Variants in FAM13A observed in about 807,000 individuals in gnomAD.
FAM13A encodes family with sequence similarity 13 member A.
A neutral mutation model predicts 129.6 loss-of-function variants in FAM13A; 76 were observed. That is an observed-to-expected ratio of 0.59 (90% confidence interval 0.49 to 0.71). FAM13A has a LOEUF of 0.71. FAM13A is among the 30% of genes least tolerant of loss of function. FAM13A has a pLI of 0.00. For missense variants in FAM13A, 1,108 were observed against 1,249.3 expected, an observed-to-expected ratio of 0.89 and a Z score of 1.70; for synonymous variants, 443 against 449.9, an observed-to-expected ratio of 0.98 and a Z score of 0.20.
At chr4:88,853,225 G>A (rs1487483503) in intron 6 of FAM13A, among the ~76,000 whole-genome samples, 1 of 152,062 alleles carries the variant, frequency 6.6e-6, no homozygotes, top group East Asian at 1.9e-4. Flanking sequence ...CTTTTTTATT[G>A]ACAAAAATTA....
At chr4:88,958,958 A>G (rs1758191824) in intron 4 of FAM13A, among the ~76,000 whole-genome samples, 1 of 152,236 alleles carries the variant, frequency 6.6e-6, no homozygotes, top group Non-Finnish European at 1.5e-5. Flanking sequence ...CATGAAGTCA[A>G]AGGAGATTAT....
chr4:88,944,552 G>A (rs942157928), intron 4 of FAM13A, among the ~76,000 whole-genome samples: 3 of 152,056 alleles, frequency 2.0e-5, no homozygotes, highest in Admixed American at 6.6e-5. Context: ...ATTAGATGCC[G>A]CAGGCAAAGT....
At chr4:88,970,327 G>C (rs1759896211) in intron 4 of FAM13A, among the ~76,000 whole-genome samples, 1 of 152,056 alleles carries the variant, frequency 6.6e-6, no homozygotes, top group Non-Finnish European at 1.5e-5. Flanking sequence ...CTGGAAAATA[G>C]TAGAGGAGAT....
intron 7 of FAM13A, among the ~76,000 whole-genome samples, chr4:88,828,261 C>T (rs1733343993): frequency 1.3e-5 from 2 of 152,168 alleles, no homozygotes; most frequent in South Asian, 4.1e-4. Context: ...CCACCTCAGC[C>T]TCCTGAGTAG....
chr4:88,728,136 CAGTT>C lies in FAM13A; in HGVS notation c.*393_*396del, dbSNP rs749985366. ...TAAAGTCCTGAGCTTGTTTTTATCA[CAGTT>C]AGACAGAGAATGGTCTCTTGTTTCT... On this transcript the variant is annotated 3_prime_UTR_variant, in exon 24 of 24. Transcript: ENST00000264344. 28 of 177,036 alleles carry C rather than the reference CAGTT, an allele frequency of 1.6e-4. No individual in the cohort carries two copies. Among genetic ancestry groups the C allele is most frequent in the Non-Finnish European group, 2.4e-4 (20 of 82,952 alleles). The allele number at this position is 177,036 out of a possible 1,614,324, so 11.0% of individuals were successfully genotyped here.
intron 1 of FAM13A, among the ~76,000 whole-genome samples, chr4:89,031,589 G>A (rs1768690011): frequency 6.6e-6 from 1 of 152,156 alleles, no homozygotes; most frequent in Non-Finnish European, 1.5e-5. Context: ...ATTGAGTACT[G>A]ATTGTCATAA....
At chr4:88,788,395 C>T (rs1724416486) in intron 9 of FAM13A, among the ~76,000 whole-genome samples, 1 of 152,094 alleles carries the variant, frequency 6.6e-6, no homozygotes, top group African/African-American at 2.4e-5. Flanking sequence ...TATCTATTTA[C>T]AATCTAAGAC....
At position 88,991,016 on chromosome 4, in the gene FAM13A, T is replaced by G; in HGVS notation, c.562A>C (p.Asn188His). ...AATACAGTGGCGAGATTGTGAACAT[T>G]CATGCGATTCTGCACATGATGCTTG... ...VAKHHVQNRM[N>H]VHNLATVFGP... The change falls in exon 4 of 24, where the codon AAT becomes CAT. Residue 188 changes from asparagine (N) to histidine (H), a missense_variant. Physicochemically the swap from Asn to His is moderately conservative, Grantham distance 68 (BLOSUM62 1). This residue lies in a region of FAM13A where 566 missense variants were observed against 595.7 expected (regional missense o/e 0.95). Transcript: ENST00000264344. 1 of 1,614,192 alleles carries G rather than the reference T, an allele frequency of 6.2e-7. No homozygotes were observed. Among genetic ancestry groups the G allele is most frequent in the South Asian group, 1.1e-5 (1 of 91,086 alleles).
intron 11 of FAM13A, among the ~76,000 whole-genome samples, chr4:88,769,887 T>C (rs1474243875): frequency 6.6e-6 from 1 of 151,952 alleles, no homozygotes; most frequent in Non-Finnish European, 1.5e-5. Flanking sequence ...TAATGAATAT[T>C]ATTATTAATA....
At chr4:89,003,647 A>G (rs1764595784) in intron 3 of FAM13A, among the ~76,000 whole-genome samples, 1 of 151,972 alleles carries the variant, frequency 6.6e-6, no homozygotes, top group Non-Finnish European at 1.5e-5. Context: ...AAAAAAATAT[A>G]TATACATGTA....
intron 13 of FAM13A, among the ~76,000 whole-genome samples, chr4:88,766,868 A>G (rs1420236866): frequency 2.6e-5 from 4 of 152,194 alleles, no homozygotes; most frequent in South Asian, 2.1e-4. Context: ...AGCAAAACTG[A>G]TAAGATTGAA....
chr4:88,857,893 A>G (rs114712801), intron 6 of FAM13A, among the ~76,000 whole-genome samples: 3 of 152,330 alleles, frequency 2.0e-5, no homozygotes, highest in Non-Finnish European at 4.4e-5. Flanking sequence ...AATGACTAAG[A>G]AACTAAATAA....
At chr4:88,911,415 TGC>T (rs1304174574) in intron 5 of FAM13A, among the ~76,000 whole-genome samples, 1 of 152,244 alleles carries the variant, frequency 6.6e-6, no homozygotes, top group Admixed American at 6.5e-5. Context: ...CTATACTTCT[TGC>T]GTAACTTGAT....
At chr4:88,849,897 A>G (rs1178148213) in intron 7 of FAM13A, among the ~76,000 whole-genome samples, 4 of 152,210 alleles carry the variant, frequency 2.6e-5, no homozygotes, top group Admixed American at 2.6e-4. Flanking sequence ...TCCAGTTTAC[A>G]ATTTCCAAAA....
At chr4:88,893,025 A>G (rs1745630313) in intron 6 of FAM13A, among the ~76,000 whole-genome samples, 1 of 152,234 alleles carries the variant, frequency 6.6e-6, no homozygotes, top group Non-Finnish European at 1.5e-5. Context: ...AATCATTAAA[A>G]AAGTGATAAT....
At chr4:88,981,840 C>A (rs531791776) in intron 4 of FAM13A, among the ~76,000 whole-genome samples, 2 of 151,918 alleles carry the variant, frequency 1.3e-5, no homozygotes, top group African/African-American at 2.4e-5. Context: ...ATGGGAAGAA[C>A]AAAAAAAGTC....
At chr4:88,917,438 T>C (rs1399945268) in intron 5 of FAM13A, among the ~76,000 whole-genome samples, 5 of 152,054 alleles carry the variant, frequency 3.3e-5, no homozygotes, top group Admixed American at 3.3e-4. Flanking sequence ...GGACCAAGTA[T>C]CCACATGAGA....
intron 10 of FAM13A, among the ~76,000 whole-genome samples, chr4:88,783,773 T>A (rs1280277991): frequency 1.3e-5 from 2 of 151,924 alleles, no homozygotes; most frequent in African/African-American, 2.4e-5. Flanking sequence ...AGGACTAATG[T>A]CATTGTAAGA....
At chr4:88,856,371 C>A (rs1016599314) in intron 6 of FAM13A, among the ~76,000 whole-genome samples, 1 of 151,972 alleles carries the variant, frequency 6.6e-6, no homozygotes, top group African/African-American at 2.4e-5. Context: ...GTAGTCCCAA[C>A]TACTTGGGAA....
Sources: gnomAD v4.1 joint callset for allele counts (sites outside exome capture counted in the v4.1 genomes callset) on GRCh38, gnomAD v4.1.1 for gene constraint, gnomAD v4.1.1 regional missense constraint, MANE v1.5 for transcripts, NCBI Gene and HGNC (gene_info 2026-07-23, HGNC 2026-07-21) for gene names.